Variants in ADAMTSL1 observed in about 807,000 individuals in gnomAD.
ADAMTSL1 encodes ADAMTS like 1.
In ADAMTSL1, 126 loss-of-function variants were observed where a neutral mutation model predicts 201.8. That is an observed-to-expected ratio of 0.62 (90% CI 0.54 to 0.72). ADAMTSL1 has a LOEUF of 0.72. Ranked by LOEUF, ADAMTSL1 falls within the 30% of genes least tolerant of loss-of-function variation. The pLI is 0.00. For synonymous variants in ADAMTSL1, 1,121 were observed against 903.4 expected, an observed-to-expected ratio of 1.24 and a Z score of -4.32; for missense variants, 2,679 against 2,277.8, an observed-to-expected ratio of 1.18 and a Z score of -3.59.
chr9:18,490,148 A>G (rs1015077419), intron 1 of ADAMTSL1, among the ~76,000 whole-genome samples: 2 of 152,196 alleles, frequency 1.3e-5, no homozygotes, highest in African/African-American at 4.8e-5. Context: ...GTCCTGGCAC[A>G]CTGAGACCCA....
intron 1 of ADAMTSL1, among the ~76,000 whole-genome samples, chr9:18,494,854 C>T (rs570504920): frequency 6.6e-6 from 1 of 152,272 alleles, no homozygotes; most frequent in African/African-American, 2.4e-5. Context: ...TACTAGGTCC[C>T]ATCAGCTTTA....
intron 23 of ADAMTSL1, among the ~76,000 whole-genome samples, chr9:18,837,418 G>A (rs961847497): frequency 1.3e-5 from 2 of 152,114 alleles, no homozygotes; most frequent in Non-Finnish European, 2.9e-5. Flanking sequence ...ATATACGTGG[G>A]TATATTTCTA....
chr9:18,285,622 C>G (rs536829957), intron 2 of ADAMTSL1, among the ~76,000 whole-genome samples: 1 of 151,878 alleles, frequency 6.6e-6, no homozygotes, highest in Non-Finnish European at 1.5e-5. Flanking sequence ...ATATAAGGAA[C>G]CTTGTTGTGG....
At chr9:18,182,022 G>A (rs1828503065) in intron 2 of ADAMTSL1, among the ~76,000 whole-genome samples, 1 of 151,764 alleles carries the variant, frequency 6.6e-6, no homozygotes, top group Non-Finnish European at 1.5e-5. Flanking sequence ...ATCATTCTCA[G>A]TAAACTATTG....
chr9:18,441,170 G>A (rs1819979914), intron 2 of ADAMTSL1, among the ~76,000 whole-genome samples: 1 of 146,800 alleles, frequency 6.8e-6, no homozygotes, highest in Non-Finnish European at 1.5e-5. Context: ...CTGGGAGTGG[G>A]GAGAGGAATG....
intron 2 of ADAMTSL1, among the ~76,000 whole-genome samples, chr9:18,466,784 A>C (rs117248444): frequency 6.6e-6 from 1 of 152,276 alleles, no homozygotes; most frequent in East Asian, 1.9e-4. Context: ...AGAAACTATT[A>C]ATCTAGTTCA....
intron 2 of ADAMTSL1, among the ~76,000 whole-genome samples, chr9:18,434,222 C>T (rs1819622914): frequency 6.6e-6 from 1 of 152,054 alleles, no homozygotes; most frequent in African/African-American, 2.4e-5. Flanking sequence ...AATTCAGGGT[C>T]ATAAAAGCTT....
intron 1 of ADAMTSL1, among the ~76,000 whole-genome samples, chr9:18,041,624 A>G (rs1340944999): frequency 6.6e-6 from 1 of 152,188 alleles, no homozygotes; most frequent in African/African-American, 2.4e-5. Context: ...TAAGAACTCT[A>G]TGGAGCAAAA....
intron 2 of ADAMTSL1, among the ~76,000 whole-genome samples, chr9:18,204,994 A>G (rs930742710): frequency 6.6e-6 from 1 of 152,202 alleles, no homozygotes; most frequent in Admixed American, 6.5e-5. Flanking sequence ...GTGCTATCAT[A>G]CCAAAATAAT....
intron 24 of ADAMTSL1, among the ~76,000 whole-genome samples, chr9:18,889,343 G>A (rs1829094847): frequency 6.6e-6 from 1 of 152,166 alleles, no homozygotes; most frequent in African/African-American, 2.4e-5. Context: ...GTGAGGTGAG[G>A]TTCACTGTAT....
intron 1 of ADAMTSL1, among the ~76,000 whole-genome samples, chr9:17,983,105 C>G (rs1186366291): frequency 7.6e-5 from 8 of 104,644 alleles, no homozygotes; most frequent in African/African-American, 2.9e-4. Flanking sequence ...GAATCTTGCT[C>G]TGTCACCAGG....
chr9:18,023,332 G>A (rs911007026), intron 1 of ADAMTSL1, among the ~76,000 whole-genome samples: 1 of 152,110 alleles, frequency 6.6e-6, no homozygotes, highest in African/African-American at 2.4e-5. Context: ...AGATGATGCT[G>A]ATACTGCTGG....
In ADAMTSL1 at chr9:18,352,599, T is replaced by C. The variant is rs770223060; in HGVS notation, c.208-152230T>C. Reference sequence around the variant, plus strand: ...TTAATGATAATTGTATGTGTATGTGTTCATGTCCCTTTGCCTTTGTACTTT... The same window carrying C: ...TTAATGATAATTGTATGTGTATGTGCTCATGTCCCTTTGCCTTTGTACTTT... On this transcript the variant is annotated intron_variant, in intron 2 of 29. Coordinates refer to the ADAMTSL1 transcript ENST00000680146. Among the ~76,000 whole-genome samples, 27 of 152,218 alleles carry C rather than the reference T, an allele frequency of 1.8e-4. 1 individual carries two copies. Among genetic ancestry groups the C allele is most frequent in the Non-Finnish European group, 3.2e-4 (22 of 68,036 alleles).
At chr9:18,820,825 T>C (rs573055357) in intron 21 of ADAMTSL1, among the ~76,000 whole-genome samples, 1 of 152,188 alleles carries the variant, frequency 6.6e-6, no homozygotes, top group African/African-American at 2.4e-5. Flanking sequence ...CTATTTGTTC[T>C]CTGAAGAGGT....
intron 1 of ADAMTSL1, among the ~76,000 whole-genome samples, chr9:18,494,214 G>A (rs1395869744): frequency 3.3e-5 from 5 of 152,022 alleles, no homozygotes; most frequent in Non-Finnish European, 5.9e-5. Context: ...AAATTACCCG[G>A]GCATGGTGGC....
chr9:18,080,843 C>A (rs1308271792), intron 1 of ADAMTSL1, among the ~76,000 whole-genome samples: 1 of 152,092 alleles, frequency 6.6e-6, no homozygotes, highest in Non-Finnish European at 1.5e-5. Context: ...ACAGAAGTGC[C>A]CATTTAGACT....
At chr9:18,228,932 T>G (rs1273724922) in intron 2 of ADAMTSL1, among the ~76,000 whole-genome samples, 1 of 151,374 alleles carries the variant, frequency 6.6e-6, no homozygotes, top group African/African-American at 2.4e-5. Context: ...TCTTTCTCAC[T>G]AAGCTTTTGG....
At chr9:18,886,184 A>ATATG (rs1828862122) in intron 23 of ADAMTSL1, among the ~76,000 whole-genome samples, 4 of 128,050 alleles carry the variant, frequency 3.1e-5, no homozygotes, top group African/African-American at 1.2e-4. Context: ...ATATATATAT[A>ATATG]TATATATATA....
intron 1 of ADAMTSL1, among the ~76,000 whole-genome samples, chr9:18,000,536 T>C (rs939541166): frequency 2.6e-5 from 4 of 152,060 alleles, no homozygotes; most frequent in African/African-American, 9.7e-5. Flanking sequence ...CTCTCTGCCA[T>C]AGGGTTCTTT....
Sources: gnomAD v4.1 joint callset for allele counts (sites outside exome capture counted in the v4.1 genomes callset) on GRCh38, gnomAD v4.1.1 for gene constraint, MANE v1.5 for transcripts, NCBI Gene and HGNC (gene_info 2026-07-23, HGNC 2026-07-21) for gene names.